The following PCSK9 variants were observed in gnomAD, a reference collection of about 807,000 sequenced individuals.
The protein encoded by PCSK9 is proprotein convertase subtilisin/kexin type 9, also known as convertase subtilisin/kexin type 9 preproprotein.
PCSK9 carries 57 observed loss-of-function variants against 62.1 expected under a neutral mutation model. The observed-to-expected ratio is 0.92, with a 90% CI of 0.74 to 1.14. The LOEUF (loss-of-function observed/expected upper bound fraction) is 1.14. Ranked by LOEUF, PCSK9 falls within the 50% of genes most tolerant of loss-of-function variation. The pLI is 0.00. For synonymous variants in PCSK9, 387 were observed against 409.4 expected (o/e 0.95, Z 0.66); for missense variants, 870 against 959.8 (o/e 0.91, Z 1.24).
chr1:55,050,886 T>C, intron 3 of PCSK9: 1 of 328,466 alleles, frequency 3.0e-6, no homozygotes, highest in Non-Finnish European at 6.0e-6. Context: ...CATCTCAAGA[T>C]GGCATCATCT....
chr1:55,048,821 G>A (rs1644653510), intron 3 of PCSK9, among the ~76,000 whole-genome samples: 1 of 152,224 alleles, frequency 6.6e-6, no homozygotes, highest in Non-Finnish European at 1.5e-5. Flanking sequence ...CTGTTTGGAG[G>A]GTTAAATCAG....
Position 55,059,726 on chromosome 1 carries a change from C to T in PCSK9, c.1681+63C>T, listed in dbSNP as rs45439391. 77,898 of 1,529,080 alleles carry T rather than the reference C, an allele frequency of 0.051. 2,203 individuals carry two copies. The highest frequency in any genetic ancestry group is 0.12 in the Middle Eastern group (499 of 4,316). 94.7% of individuals were successfully genotyped at this position (1,529,080 alleles called of 1,614,324 possible). The stretch of plus-strand genomic sequence containing the variant: ...TCTTTCTCCTTATGCACCCACTGCC[C>T]GCGAGGCTTGGTCCTCACAAGTGTG... On this transcript the variant is annotated intron_variant, in intron 10 of 11. Coordinates refer to ENST00000302118, the MANE Select transcript of PCSK9 (RefSeq NM_174936.4).
chr1:55,045,003 G>GTGCCTACTGTGTGC (rs1644623595), intron 2 of PCSK9, among the ~76,000 whole-genome samples: 2 of 152,236 alleles, frequency 1.3e-5, no homozygotes, highest in Admixed American at 6.5e-5. Flanking sequence ...CGTTTACCAA[G>GTGCCTACTGTGTGC]TGCCTACTGT....
intron 4 of PCSK9, 43 bp downstream of exon 4, chr1:55,052,454 C>A: frequency 6.2e-7 from 1 of 1,613,142 alleles, no homozygotes; most frequent in Non-Finnish European, 8.5e-7. Flanking sequence ...CTGCCCATAT[C>A]CCCATCCTGG....
chr1:55,063,986 T>G lies in PCSK9; in HGVS notation c.*402T>G. On this transcript the variant is annotated 3_prime_UTR_variant, in exon 12 of 12. Coordinates refer to ENST00000302118, the MANE Select transcript of PCSK9 (RefSeq NM_174936.4). ...AAGGAGGCAGGATTCTTCCCATGGA[T>G]AGGGGAGGGGGCGGTAGGGGCTGCA... 1 of 211,612 alleles carries G rather than the reference T, an allele frequency of 4.7e-6. No homozygotes were observed. The highest frequency in any genetic ancestry group is 9.5e-6 in the Non-Finnish European group (1 of 105,418). The allele number at this position is 211,612 out of a possible 1,614,324, so 13.1% of individuals were successfully genotyped here.
rs1570311337 is a variant in PCSK9, at chr1:55,063,406, G to T, written c.1901G>T (p.Gly634Val). ...VACEEGWTLT[G>V]CSALPGTSHV... ...TGCGAGGAGGGCTGGACCCTGACTGGCTGCAGTGCCCTCCCTGGGACCTCC... is the reference window on the plus strand; with the variant it reads ...TGCGAGGAGGGCTGGACCCTGACTGTCTGCAGTGCCCTCCCTGGGACCTCC... The change falls in exon 12 of 12, where the codon GGC becomes GTC. Residue 634 changes from glycine (G) to valine (V), a missense_variant. Transcript: ENST00000302118. The T allele has an allele frequency of 1.2e-6, 2 of 1,613,914 alleles. No homozygotes were observed. Among genetic ancestry groups the T allele is most frequent in the African/African-American group, 2.7e-5 (2 of 75,062 alleles).
At chr1:55,045,699 A>AT (rs373507733) in intron 2 of PCSK9, among the ~76,000 whole-genome samples, 12,778 of 139,736 alleles carry the variant, frequency 0.091, 749 homozygotes, top group African/African-American at 0.16. Context: ...GATGCACACC[A>AT]TTTTTTTTTT....
intron 6 of PCSK9, 57 bp from the exon 7 acceptor site, chr1:55,057,274 C>T: frequency 6.4e-7 from 1 of 1,569,234 alleles, no homozygotes; most frequent in Non-Finnish European, 8.8e-7. Context: ...CTGAGTCTGC[C>T]TCTGCAACCC....
At chr1:55,052,523 C>T (rs1212762096) in intron 4 of PCSK9, 112 bp downstream of exon 4, 20 of 1,603,860 alleles carry the variant, frequency 1.2e-5, no homozygotes, top group Non-Finnish European at 1.6e-5. Flanking sequence ...TTGCACCCCC[C>T]CCAGCTGTCA....
At position 55,058,575 on chromosome 1, in the gene PCSK9, C is replaced by T. The variant is rs28362268; in HGVS notation, c.1431C>T (p.Cys477=). Residue 477 remains cysteine (C), a synonymous_variant, in exon 9 of 12, where the codon TGC becomes TGT. Coordinates refer to ENST00000302118, the MANE Select transcript of PCSK9 (RefSeq NM_174936.4). ...PTRMATAVAR[C]APDEELLSCS... is the part of the protein sequence containing the mutation. ...GGATGGCCACAGCCGTCGCCCGCTG[C>T]GCCCCAGATGAGGAGCTGCTGAGCT... 1,460 of 1,612,056 alleles carry T rather than the reference C, an allele frequency of 9.1e-4. 7 individuals carry two copies. The African/African-American group carries it at 0.016, about 18-fold the overall frequency.
rs1644714165 is a variant in PCSK9, at chr1:55,056,251, AGGGC to A, written c.996+71_996+74del. ...GGGGCGGAGGGCGGAGGGCGGAGGG[AGGGC>A]GGGCGGGCAGGCGGGCTTCTTGTGG... On this transcript the variant is annotated intron_variant, in intron 6 of 11. Transcript: ENST00000302118. 5 of 10,528 alleles carry A rather than the reference AGGGC, an allele frequency of 4.7e-4. 1 individual carries two copies. The highest frequency in any genetic ancestry group is 4.0e-3 in the Admixed American group (1 of 250). 0.7% of individuals were successfully genotyped at this position (10,528 alleles called of 1,614,324 possible). A position where few individuals can be genotyped will look rare whatever the true frequency, so the allele number is the denominator to read the frequency against.
intron 5 of PCSK9, among the ~76,000 whole-genome samples, chr1:55,055,356 AT>A (rs1644706808): frequency 6.6e-6 from 1 of 151,700 alleles, no homozygotes; most frequent in African/African-American, 2.4e-5. Context: ...TGCCCTTCTC[AT>A]TCCTCTGAGG....
Position 55,039,823 on chromosome 1 carries a change from T to C in PCSK9, c.-15T>C. The C allele has an allele frequency of 6.4e-7, 1 of 1,567,720 alleles. No individual in the cohort carries two copies. The highest frequency in any genetic ancestry group is 8.6e-7 in the Non-Finnish European group (1 of 1,157,466). ...AGGTCTCCTCGCCAGGACAGCAACC[T>C]CTCCCCTGGCCCTCATGGGCACCGT... On this transcript the variant is annotated 5_prime_UTR_variant, in exon 1 of 12. Transcript: ENST00000302118.
Position 55,040,288 on chromosome 1 carries a change from G to A in PCSK9, c.207+244G>A, listed in dbSNP as rs751739997. Among the ~76,000 whole-genome samples the A allele has an allele frequency of 3.3e-5, 5 of 152,174 alleles. No homozygotes were observed. The highest frequency in any genetic ancestry group is 7.3e-5 in the Non-Finnish European group (5 of 68,030). ...GGGACTTGCTGGGGCGTGCGGCTGC[G>A]CTATTCAGTGGGAAGGTTCGCGGGG... On this transcript the variant is annotated intron_variant, in intron 1 of 11. Coordinates refer to ENST00000302118, the MANE Select transcript of PCSK9 (RefSeq NM_174936.4). This position sits in a 1 kb window ranked among gnomAD's most constrained non-coding sequence, Gnocchi z 4.1.
Position 55,063,861 on chromosome 1 carries a change from G to A in PCSK9, c.*277G>A, listed in dbSNP as rs372350423. The A allele has an allele frequency of 5.7e-6, 3 of 523,804 alleles. No individual in the cohort carries two copies. Among genetic ancestry groups the A allele is most frequent in the Admixed American group, 3.3e-5 (1 of 30,494 alleles). 32.4% of individuals were successfully genotyped at this position (523,804 alleles called of 1,614,324 possible). A position where few individuals can be genotyped will look rare whatever the true frequency, so the allele number is the denominator to read the frequency against. ...CATTCAAACAGGTCGAGCTGTGCTC[G>A]GGTGCTGCCAGCTGCTCCCAATGTG... On this transcript the variant is annotated 3_prime_UTR_variant, in exon 12 of 12. Transcript: ENST00000302118.
Position 55,056,158 on chromosome 1 carries a change from C to T in PCSK9, c.965C>T (p.Ala322Val). The T allele has an allele frequency of 6.6e-7, 1 of 1,525,706 alleles. No individual in the cohort carries two copies. Among genetic ancestry groups the T allele is most frequent in the Admixed American group, 1.9e-5 (1 of 53,678 alleles). The allele number at this position is 1,525,706 out of a possible 1,614,324, so 94.5% of individuals were successfully genotyped here. The change falls in exon 6 of 12, where the codon GCC (alanine) becomes GTC (valine). Residue 322 changes from alanine to valine, a missense_variant. Transcript: ENST00000302118. ...GCTGCCGGCAACTTCCGGGACGATG[C>T]CTGCCTCTACTCCCCAGCCTCAGCT... ...VTAAGNFRDD[A>V]CLYSPASAPE...
chr1:55,043,365 G>A (rs1644610051), intron 1 of PCSK9, among the ~76,000 whole-genome samples: 1 of 152,224 alleles, frequency 6.6e-6, no homozygotes, highest in African/African-American at 2.4e-5. Flanking sequence ...TACAGCAGAG[G>A]TATCTGAGGC....
intron 11 of PCSK9, among the ~76,000 whole-genome samples, chr1:55,062,660 T>A (rs1644768600): frequency 6.6e-6 from 1 of 151,620 alleles, no homozygotes; most frequent in Non-Finnish European, 1.5e-5. Context: ...GGCCCCCAGG[T>A]GGGGATGTGC....
rs1269376002 is a variant in PCSK9, at chr1:55,040,172, G to T, written c.207+128G>T. The T allele has an allele frequency of 1.6e-6, 2 of 1,274,448 alleles. No homozygotes were observed. Among genetic ancestry groups the T allele is most frequent in the African/African-American group, 1.5e-5 (1 of 67,958 alleles). 78.9% of individuals were successfully genotyped at this position (1,274,448 alleles called of 1,614,324 possible). A position where few individuals can be genotyped will look rare whatever the true frequency, so the allele number is the denominator to read the frequency against. ...GAGTGCAGGTCGCCGAGGGCTCTTC[G>T]CTTGGCACGATCTTGGGGACTGCAG... On this transcript the variant is annotated intron_variant, in intron 1 of 11. Transcript: ENST00000302118. This position sits in a 1 kb window ranked among gnomAD's most constrained non-coding sequence, Gnocchi z 4.1.
Sources: allele counts gnomAD v4.1 joint callset (sites outside exome capture counted in the v4.1 genomes callset), GRCh38; gene constraint gnomAD v4.1.1; non-coding constraint Gnocchi (gnomAD v3.1); transcripts MANE v1.5; gene names NCBI Gene and HGNC (gene_info 2026-07-23, HGNC 2026-07-21).